The following DACH1 variants were observed in gnomAD, a reference collection of about 807,000 sequenced individuals.
The protein encoded by DACH1 is dachshund homolog 1.
In DACH1, 12 loss-of-function variants were observed where a neutral mutation model predicts 54.2. That is an observed-to-expected ratio of 0.22 (90% CI 0.14 to 0.36). The LOEUF is 0.36. Ranked by LOEUF, DACH1 falls within the 10% of genes least tolerant of loss-of-function variation. DACH1 has a pLI of 1.00. For missense variants in DACH1, 805 were observed against 929.8 expected, an observed-to-expected ratio of 0.87 and a Z score of 1.75; for synonymous variants, 386 against 366.2, an observed-to-expected ratio of 1.05 and a Z score of -0.62.
At chr13:71,744,789 T>C in intron 1 of DACH1, among the ~76,000 whole-genome samples, 1 of 152,208 alleles carries the variant, frequency 6.6e-6, no homozygotes, top group East Asian at 1.9e-4. Context: ...CTATAATTGT[T>C]TTAAATTCAT....
chr13:71,666,215 C>A (rs925527824), intron 2 of DACH1, among the ~76,000 whole-genome samples: 7 of 152,056 alleles, frequency 4.6e-5, no homozygotes, highest in African/African-American at 1.7e-4. Flanking sequence ...ATGTAACTGA[C>A]AAGTTGTTTT....
intron 1 of DACH1, among the ~76,000 whole-genome samples, chr13:71,696,790 G>A (rs933153458): frequency 6.6e-6 from 1 of 151,998 alleles, no homozygotes; most frequent in East Asian, 1.9e-4. Flanking sequence ...CAGGTGATCC[G>A]CCCACCTCAG....
intron 1 of DACH1, among the ~76,000 whole-genome samples, chr13:71,779,668 C>T (rs1289161182): frequency 6.6e-6 from 1 of 152,066 alleles, no homozygotes; most frequent in Non-Finnish European, 1.5e-5. Context: ...AGTTCCATTT[C>T]ATGGAGTGAT....
At chr13:71,617,850 T>G (rs867736208) in intron 3 of DACH1, among the ~76,000 whole-genome samples, 4 of 152,234 alleles carry the variant, frequency 2.6e-5, no homozygotes, top group Middle Eastern at 3.4e-3. Context: ...GTACAGGAAC[T>G]GACAAACAAC....
intron 3 of DACH1, among the ~76,000 whole-genome samples, chr13:71,625,402 A>T (rs1876573873): frequency 6.7e-6 from 1 of 150,338 alleles, no homozygotes; most frequent in Non-Finnish European, 1.5e-5. Context: ...AAATAGACAC[A>T]TGTGTTAGAA....
intron 1 of DACH1, among the ~76,000 whole-genome samples, chr13:71,780,855 CG>C (rs1420229482): frequency 6.6e-6 from 1 of 152,020 alleles, no homozygotes; most frequent in Non-Finnish European, 1.5e-5. Flanking sequence ...AAGAATAGGC[CG>C]GTCTCAGTGG....
intron 1 of DACH1, among the ~76,000 whole-genome samples, chr13:71,767,700 T>C (rs544757739): frequency 2.6e-5 from 4 of 152,204 alleles, no homozygotes; most frequent in African/African-American, 9.6e-5. Context: ...ATGCAAAGAA[T>C]GAGTTTGGGG....
intron 1 of DACH1, among the ~76,000 whole-genome samples, chr13:71,707,959 C>T (rs1056782812): frequency 1.3e-5 from 2 of 152,074 alleles, no homozygotes; most frequent in African/African-American, 4.8e-5. Context: ...AAGAAAGTTT[C>T]ACCAGGCCCA....
At chr13:71,634,821 A>G (rs1877354314) in intron 2 of DACH1, among the ~76,000 whole-genome samples, 1 of 152,190 alleles carries the variant, frequency 6.6e-6, no homozygotes, top group Non-Finnish European at 1.5e-5. Context: ...AGCATCTGAG[A>G]TTCTGAATCA....
At chr13:71,848,363 T>G (rs1025667589) in intron 1 of DACH1, among the ~76,000 whole-genome samples, 1 of 152,184 alleles carries the variant, frequency 6.6e-6, no homozygotes, top group South Asian at 2.1e-4. Flanking sequence ...TATAAGGACT[T>G]TGTAATTTTT....
intron 10 of DACH1, among the ~76,000 whole-genome samples, chr13:71,453,402 A>G (rs1875257846): frequency 6.6e-6 from 1 of 152,134 alleles, no homozygotes; most frequent in Non-Finnish European, 1.5e-5. Flanking sequence ...AAACAGGGAT[A>G]TTTTGATTCA....
intron 1 of DACH1, among the ~76,000 whole-genome samples, chr13:71,693,033 T>C (rs776680826): frequency 2.2e-4 from 34 of 152,142 alleles, no homozygotes; most frequent in Non-Finnish European, 3.5e-4. Context: ...CATTTTTCTG[T>C]AATCACTTAT....
chr13:71,506,260 A>G (rs1880311583), intron 6 of DACH1, among the ~76,000 whole-genome samples: 2 of 147,960 alleles, frequency 1.4e-5, no homozygotes, highest in South Asian at 2.3e-4. Context: ...AGCATTAGGT[A>G]TATCTCCCGG....
chr13:71,630,736 A>C lies in DACH1; in HGVS notation c.965-19T>G. ...GTCAGACCTTAAAAGAATAAATTAA[A>C]AATGAGGTAATTCAAATTCTGATTT... On this transcript the variant is annotated intron_variant, in intron 2 of 10. Coordinates refer to ENST00000613252, the MANE Select transcript of DACH1 (RefSeq NM_080759.6). 1 of 1,540,210 alleles carries C rather than the reference A, an allele frequency of 6.5e-7. No homozygotes were observed. The highest frequency in any genetic ancestry group is 8.7e-7 in the Non-Finnish European group (1 of 1,153,806).
intron 1 of DACH1, among the ~76,000 whole-genome samples, chr13:71,740,102 G>A (rs1884316541): frequency 6.6e-6 from 1 of 152,138 alleles, no homozygotes; most frequent in African/African-American, 2.4e-5. Context: ...TCCAGACATT[G>A]TCTCGTTAAC....
intron 2 of DACH1, among the ~76,000 whole-genome samples, chr13:71,677,489 T>A (rs1014003723): frequency 3.3e-4 from 51 of 152,290 alleles, no homozygotes; most frequent in Middle Eastern, 3.4e-3. Context: ...ACAAGCAATC[T>A]CAAAGTTTGT....
At chr13:71,791,890 G>A (rs957567559) in intron 1 of DACH1, among the ~76,000 whole-genome samples, 4 of 152,106 alleles carry the variant, frequency 2.6e-5, no homozygotes, top group African/African-American at 9.7e-5. Context: ...ATCAAGTCTA[G>A]GTTGGTATTA....
At position 71,441,614 on chromosome 13, in the gene DACH1, T is replaced by C. The variant is rs549311594; in HGVS notation, c.2084-922A>G. On this transcript the variant is annotated intron_variant, in intron 10 of 10. Transcript: ENST00000613252. ...TGAAAAGTACATATTGCCATGTAAA[T>C]GTTTGCAAAATGTCTGGTAACTGGA... Among the ~76,000 whole-genome samples the C allele has an allele frequency of 4.5e-3, 679 of 152,118 alleles. 4 individuals carry two copies. Among genetic ancestry groups the C allele is most frequent in the Non-Finnish European group, 7.6e-3 (516 of 67,896 alleles).
chr13:71,735,633 TA>T (rs1312868041), intron 1 of DACH1, among the ~76,000 whole-genome samples: 12 of 151,940 alleles, frequency 7.9e-5, no homozygotes, highest in Admixed American at 5.2e-4. Context: ...CATATGTGTA[TA>T]TGGGATATAC....
Sources: gnomAD v4.1 joint callset for allele counts (sites outside exome capture counted in the v4.1 genomes callset) on GRCh38, gnomAD v4.1.1 for gene constraint, MANE v1.5 for transcripts, NCBI Gene and HGNC (gene_info 2026-07-23, HGNC 2026-07-21) for gene names.